KIF13A: variants seen among roughly 807,000 people sequenced by gnomAD.
KIF13A encodes the protein kinesin-like protein KIF13A.
Under a neutral mutation model 212.2 loss-of-function variants are expected in KIF13A, and 79 were observed. That is an observed-to-expected ratio of 0.37 (90% CI 0.31 to 0.45). The LOEUF is 0.45. Ranked by LOEUF, KIF13A falls within the 20% of genes least tolerant of loss-of-function variation. KIF13A has a pLI of 1.00. For missense variants in KIF13A, 1,901 were observed against 2,209.0 expected (o/e 0.86, Z 2.79); for synonymous variants, 789 against 808.6 (o/e 0.98, Z 0.41).
At chr6:17,770,482 T>G (rs1459325624) in intron 38 of KIF13A, 1 of 150,860 alleles carries the variant, frequency 6.6e-6, no homozygotes, top group Non-Finnish European at 1.5e-5. Context: ...TGCTAAGGAA[T>G]GAGGTTTTGT....
Position 17,797,227 on chromosome 6 carries a change from C to A in KIF13A, c.2791-407G>T, listed in dbSNP as rs1388835351. On this transcript the variant is annotated intron_variant, in intron 22 of 38. Transcript: ENST00000259711. ...TGTATTTTTAGTAGAGACGGGGTTT[C>A]ACCGTGTTAGCTACGATGGTCTCGA... is the stretch of plus-strand genomic sequence containing the variant. 2.0e-5 allele frequency among the ~76,000 whole-genome samples: 3 copies of A among 152,026 alleles called. No individual in the cohort carries two copies. In the East Asian group the frequency reaches 5.8e-4, roughly 30 times the overall value.
At position 17,850,182 on chromosome 6, in the gene KIF13A, T is replaced by C; in HGVS notation, c.717+141A>G. On this transcript the variant is annotated intron_variant, in intron 8 of 38. Transcript: ENST00000259711. The surrounding 1 kb of genome is among the most constrained non-coding windows in gnomAD (Gnocchi z 6.2). ...AAGAAAGACCTAACAAATTAAATGA[T>C]AAGCAAAGTAGCTCACCTAGTAAGC... 1.2e-6 allele frequency: 1 copy of C among 813,272 alleles called. No homozygotes were observed. The highest frequency in any genetic ancestry group is 3.4e-5 in the South Asian group (1 of 29,280). The allele number at this position is 813,272 out of a possible 1,614,324, so 50.4% of individuals were successfully genotyped here. A position where few individuals can be genotyped will look rare whatever the true frequency, so the allele number is the denominator to read the frequency against.
Position 17,982,100 on chromosome 6 carries a change from C to CTTT in KIF13A, c.146+4951_146+4953dup, listed in dbSNP as rs60619103. ...ATTATATACTTACCAACTGAGCATT[C>CTTT]TTTTTTTTTTTTGAGACAGAGTTTC... On this transcript the variant is annotated intron_variant, in intron 2 of 38. Transcript: ENST00000259711. The surrounding 1 kb of genome is among the most constrained non-coding windows in gnomAD (Gnocchi z 5.1). Among the ~76,000 whole-genome samples, 2 of 146,832 alleles carry CTTT rather than the reference C, an allele frequency of 1.4e-5. No homozygotes were observed. Among genetic ancestry groups the CTTT allele is most frequent in the African/African-American group, 5.0e-5 (2 of 40,190 alleles).
At position 17,768,401 on chromosome 6, in the gene KIF13A, T is replaced by C. The variant is rs1193971377; in HGVS notation, c.4581+2713A>G. Among the ~76,000 whole-genome samples the C allele has an allele frequency of 1.3e-5, 2 of 152,222 alleles. No homozygotes were observed. Among genetic ancestry groups the C allele is most frequent in the African/African-American group, 4.8e-5 (2 of 41,468 alleles). On this transcript the variant is annotated intron_variant, in intron 38 of 38. Coordinates refer to ENST00000259711, the MANE Select transcript of KIF13A (RefSeq NM_022113.6). The surrounding 1 kb of genome is among the most constrained non-coding windows in gnomAD (Gnocchi z 5.4). ...TTTTAAAAAGGGACTGAAATCCACA[T>C]TAAAGCAGTGACTCTTTGTAAGGAG...
chr6:17,802,803 T>C (rs1340768691), intron 20 of KIF13A, among the ~76,000 whole-genome samples: 3 of 151,994 alleles, frequency 2.0e-5, no homozygotes, highest in African/African-American at 7.2e-5. Context: ...GGTGCATTGG[T>C]ATGATCATGG....
rs547273112 is a variant in KIF13A, at chr6:17,899,183, T to A, written c.147-1003A>T. ...AGTTTGACTTGCTTTGTAAATATTT[T>A]CTTCATGTATAAAATTAAGGAGCTC... is the stretch of plus-strand genomic sequence containing the variant. On this transcript the variant is annotated intron_variant, in intron 2 of 38. Transcript: ENST00000259711. This position sits in a 1 kb window ranked among gnomAD's most constrained non-coding sequence, Gnocchi z 5.2. 6.6e-6 allele frequency among the ~76,000 whole-genome samples: 1 copy of A among 152,198 alleles called. No homozygotes were observed. Among genetic ancestry groups the A allele is most frequent in the Non-Finnish European group, 1.5e-5 (1 of 68,044 alleles).
intron 2 of KIF13A, among the ~76,000 whole-genome samples, chr6:17,901,001 C>A (rs1413500408): frequency 6.6e-6 from 1 of 150,776 alleles, no homozygotes; most frequent in Non-Finnish European, 1.5e-5. Flanking sequence ...TGGCGTGAAC[C>A]CAGGAGGCGG....
intron 2 of KIF13A, among the ~76,000 whole-genome samples, chr6:17,936,208 G>A (rs1382910859): frequency 6.6e-6 from 1 of 152,178 alleles, no homozygotes; most frequent in East Asian, 1.9e-4. Flanking sequence ...GAGTGCAATG[G>A]TGGGATCTTG....
In KIF13A at chr6:17,968,618, T is replaced by A. The variant is rs1779532769; in HGVS notation, c.146+18436A>T. 6.6e-6 allele frequency among the ~76,000 whole-genome samples: 1 copy of A among 152,172 alleles called. No homozygotes were observed. Among genetic ancestry groups the A allele is most frequent in the African/African-American group, 2.4e-5 (1 of 41,434 alleles). On this transcript the variant is annotated intron_variant, in intron 2 of 38. Transcript: ENST00000259711. This position sits in a 1 kb window ranked among gnomAD's most constrained non-coding sequence, Gnocchi z 4.7. ...GCTCCATAGGTTGTGCAGTGAACAT[T>A]AAAAATGTGAACTTTGTCAAAGACT...
chr6:17,846,738 G>C (rs1767107002), intron 9 of KIF13A, among the ~76,000 whole-genome samples: 1 of 152,064 alleles, frequency 6.6e-6, no homozygotes, highest in South Asian at 2.1e-4. Flanking sequence ...CCAAGCCTTG[G>C]GGTAATCCAG....
At chr6:17,820,153 T>C (rs756090861) in intron 16 of KIF13A, among the ~76,000 whole-genome samples, 3 of 152,182 alleles carry the variant, frequency 2.0e-5, no homozygotes, top group Non-Finnish European at 4.4e-5. Flanking sequence ...GTGAGGCTAT[T>C]TGAAACTGCA....
Position 17,777,223 on chromosome 6 carries a change from C to T in KIF13A, c.4170+54G>A. 7.0e-7 allele frequency: 1 copy of T among 1,435,114 alleles called. No individual in the cohort carries two copies. 88.9% of individuals were successfully genotyped at this position (1,435,114 alleles called of 1,614,324 possible). ...CTGTGTGAATCCCACCTTCCCCCAC[C>T]CCAGAGGCTGCGACATGTCACATAG... On this transcript the variant is annotated intron_variant, in intron 34 of 38. Coordinates refer to ENST00000259711, the MANE Select transcript of KIF13A (RefSeq NM_022113.6). The surrounding 1 kb of genome is among the most constrained non-coding windows in gnomAD (Gnocchi z 4.4).
chr6:17,870,252 C>A (rs1581588679), intron 4 of KIF13A, among the ~76,000 whole-genome samples: 1 of 152,096 alleles, frequency 6.6e-6, no homozygotes, highest in East Asian at 1.9e-4. Context: ...CTGGCAGAAG[C>A]CAATTTCAGG....
At chr6:17,950,380 TA>T in intron 2 of KIF13A, 3 of 959,706 alleles carry the variant, frequency 3.1e-6, no homozygotes, top group Non-Finnish European at 3.7e-6. Context: ...AAAAGAAGAT[TA>T]AAAATATAAT....
chr6:17,891,026 T>A (rs919254741), intron 3 of KIF13A, among the ~76,000 whole-genome samples: 4 of 151,990 alleles, frequency 2.6e-5, no homozygotes, highest in Admixed American at 2.6e-4. Flanking sequence ...AAAACTACAG[T>A]CACACTGAGA....
chr6:17,970,054 C>G (rs1301195521), intron 2 of KIF13A, among the ~76,000 whole-genome samples: 1 of 151,936 alleles, frequency 6.6e-6, no homozygotes, highest in Non-Finnish European at 1.5e-5. Flanking sequence ...CCGCAAGTAG[C>G]TGGGATTACA....
chr6:17,974,280 A>C (rs897049678), intron 2 of KIF13A, among the ~76,000 whole-genome samples: 2 of 152,076 alleles, frequency 1.3e-5, no homozygotes, highest in East Asian at 3.9e-4. Flanking sequence ...GGGTGTCACC[A>C]TGTTGGCCAG....
chr6:17,889,978 C>T (rs988083546), intron 3 of KIF13A, among the ~76,000 whole-genome samples: 24 of 151,962 alleles, frequency 1.6e-4, no homozygotes, highest in African/African-American at 5.8e-4. Flanking sequence ...AACCTGTTGA[C>T]AGGGAAAACC....
Position 17,839,509 on chromosome 6 carries a change from G to A in KIF13A, c.831-1926C>T, listed in dbSNP as rs1766305139. 6.6e-6 allele frequency among the ~76,000 whole-genome samples: 1 copy of A among 152,098 alleles called. No individual in the cohort carries two copies. Among genetic ancestry groups the A allele is most frequent in the Non-Finnish European group, 1.5e-5 (1 of 68,030 alleles). ...ACATGTATCACAACAACTACAACAC[G>A]GATGAACCCTGGCAAATTATTTTAC... On this transcript the variant is annotated intron_variant, in intron 9 of 38. Coordinates refer to ENST00000259711, the MANE Select transcript of KIF13A (RefSeq NM_022113.6). This position sits in a 1 kb window ranked among gnomAD's most constrained non-coding sequence, Gnocchi z 4.3.
Sources: allele counts gnomAD v4.1 joint callset (sites outside exome capture counted in the v4.1 genomes callset), GRCh38; gene constraint gnomAD v4.1.1; non-coding constraint Gnocchi (gnomAD v3.1); transcripts MANE v1.5; gene names NCBI Gene and HGNC (gene_info 2026-07-23, HGNC 2026-07-21).